Variants in ZNF638 observed in about 807,000 individuals in gnomAD.
ZNF638 encodes zinc finger protein 638.
In ZNF638, 46 loss-of-function variants were observed where a neutral mutation model predicts 195.6. The observed-to-expected ratio is 0.24, with a 90% CI of 0.19 to 0.30. The LOEUF (loss-of-function observed/expected upper bound fraction) is 0.30, where lower values mean the gene tolerates loss of function less well. Ranked by LOEUF, ZNF638 falls within the 10% of genes least tolerant of loss-of-function variation. The probability of loss-of-function intolerance (pLI) is 1.00; values close to 1 mark genes in which losing one functional copy is unlikely to be tolerated. For missense variants in ZNF638, 2,440 were observed against 2,325.3 expected, an observed-to-expected ratio of 1.05 and a Z score of -1.01; for synonymous variants, 845 against 772.0, an observed-to-expected ratio of 1.09 and a Z score of -1.57.
chr2:71,331,901 A>T, intron 1 of ZNF638, 26 bp downstream of exon 1: 1 of 986,114 alleles, frequency 1.0e-6, no homozygotes, highest in South Asian at 4.7e-5. Flanking sequence ...TGTGGGGAGT[A>T]GGGGGTTGGA....
intron 16 of ZNF638, 120 bp from the exon 17 acceptor site, chr2:71,403,750 A>G (rs1436377752): frequency 2.7e-5 from 17 of 629,210 alleles, no homozygotes; most frequent in Non-Finnish European, 4.0e-5. Flanking sequence ...TATCTTTAAA[A>G]TATTTACTAA....
chr2:71,365,865 G>A (rs552702081), intron 6 of ZNF638, among the ~76,000 whole-genome samples, 159 bp downstream of exon 6: 6 of 152,240 alleles, frequency 3.9e-5, no homozygotes, highest in Admixed American at 2.0e-4. Flanking sequence ...CACCACAGGC[G>A]TGTGCCACCA....
chr2:71,408,094 A>C (rs761886949), intron 19 of ZNF638, 28 bp from the exon 20 acceptor site: 3 of 1,597,462 alleles, frequency 1.9e-6, no homozygotes, highest in East Asian at 4.5e-5. Flanking sequence ...TTAAAGAACT[A>C]TTCATAACTT....
At chr2:71,377,584 ATTAG>A (rs989478824) in intron 8 of ZNF638, among the ~76,000 whole-genome samples, 23 of 152,216 alleles carry the variant, frequency 1.5e-4, no homozygotes, top group East Asian at 3.8e-4. Flanking sequence ...ACTATTTCTT[ATTAG>A]TTAAGCATCT....
At chr2:71,406,420 G>A (rs1035825625) in intron 19 of ZNF638, among the ~76,000 whole-genome samples, 158 bp downstream of exon 19, 1 of 152,058 alleles carries the variant, frequency 6.6e-6, no homozygotes, top group African/African-American at 2.4e-5. Context: ...TTTGGACTGG[G>A]CCGAGAAAGA....
At chr2:71,347,322 GT>G (rs1441875438) in intron 1 of ZNF638, among the ~76,000 whole-genome samples, 1 of 152,182 alleles carries the variant, frequency 6.6e-6, no homozygotes, top group Admixed American at 6.5e-5. Flanking sequence ...GAGTTGTGTG[GT>G]GAAAATGTCC....
At position 71,366,215 on chromosome 2, in the gene ZNF638, C is replaced by T. The variant is rs368742423; in HGVS notation, c.1995+509C>T. ...AAATATAAAAATGAGCTGGGGGTAG[C>T]GGCGGGTGCCAGTAGTCCCAGCTAC... is the stretch of plus-strand genomic sequence containing the variant. On this transcript the variant is annotated intron_variant, in intron 6 of 27. Transcript: ENST00000264447. Among the ~76,000 whole-genome samples, 15 of 151,910 alleles carry T rather than the reference C, an allele frequency of 9.9e-5. No homozygotes were observed. In the South Asian group the frequency reaches 3.1e-3, roughly 32 times the overall value.
intron 11 of ZNF638, among the ~76,000 whole-genome samples, chr2:71,396,970 C>A (rs773245285): frequency 6.6e-6 from 1 of 152,018 alleles, no homozygotes; most frequent in African/African-American, 2.4e-5. Flanking sequence ...AACAAATAAT[C>A]TTTCATATAA....
intron 7 of ZNF638, 115 bp downstream of exon 7, chr2:71,368,643 G>A (rs2079249656): frequency 8.8e-7 from 1 of 1,136,858 alleles, no homozygotes; most frequent in Admixed American, 2.5e-5. Flanking sequence ...TTCTTTGAGA[G>A]TTATATAAAT....
At chr2:71,340,019 T>C (rs761279450) in intron 1 of ZNF638, among the ~76,000 whole-genome samples, 1 of 152,214 alleles carries the variant, frequency 6.6e-6, no homozygotes, top group Non-Finnish European at 1.5e-5. Flanking sequence ...TTCCTGAAAT[T>C]GGTAACAATA....
intron 2 of ZNF638, among the ~76,000 whole-genome samples, chr2:71,352,072 C>T (rs552171546): frequency 6.6e-6 from 1 of 152,258 alleles, no homozygotes; most frequent in Admixed American, 6.5e-5. Flanking sequence ...AATGGAATGT[C>T]AGTTACTAAA....
chr2:71,429,949 T>G (rs1419200326), intron 25 of ZNF638, among the ~76,000 whole-genome samples: 1 of 152,180 alleles, frequency 6.6e-6, no homozygotes, highest in African/African-American at 2.4e-5. Flanking sequence ...GTTCAGTAAT[T>G]AGGTTCTCGC....
In ZNF638 at chr2:71,344,352, T is replaced by A. The variant is rs1015175791; in HGVS notation, c.-202-4401T>A. 3.3e-5 allele frequency among the ~76,000 whole-genome samples: 5 copies of A among 152,192 alleles called. No homozygotes were observed. The East Asian group carries it at 9.6e-4, about 29-fold the overall frequency. On this transcript the variant is annotated intron_variant, in intron 1 of 27. Coordinates refer to ENST00000264447, the MANE Select transcript of ZNF638 (RefSeq NM_014497.5). ...GATGTACTATAGTTTATTTGACCAGTTTCCAGTCTCTCTGCAAGCTTTTAT... is the reference window on the plus strand; with the variant it reads ...GATGTACTATAGTTTATTTGACCAGATTCCAGTCTCTCTGCAAGCTTTTAT...
chr2:71,375,620 AAATACATAATTT>A (rs1251669071), intron 8 of ZNF638: 1 of 152,234 alleles, frequency 6.6e-6, no homozygotes, highest in African/African-American at 2.4e-5. Flanking sequence ...AACAAGGATT[AAATACATAATTT>A]AAGAACTTAA....
intron 3 of ZNF638, among the ~76,000 whole-genome samples, chr2:71,357,656 G>C (rs1200144552): frequency 6.6e-6 from 1 of 152,130 alleles, no homozygotes; most frequent in Non-Finnish European, 1.5e-5. Flanking sequence ...AAAGCCTTTA[G>C]TGTAGGTAAG....
chr2:71,424,799 A>AC, intron 23 of ZNF638, 84 bp downstream of exon 23: 3 of 1,124,860 alleles, frequency 2.7e-6, no homozygotes, highest in Non-Finnish European at 3.9e-6. Flanking sequence ...GCCTGCCTTA[A>AC]CAATGTTAGT....
At chr2:71,335,632 C>T (rs912136668) in intron 1 of ZNF638, among the ~76,000 whole-genome samples, 1 of 152,154 alleles carries the variant, frequency 6.6e-6, no homozygotes, top group African/African-American at 2.4e-5. Flanking sequence ...TGTGCCTGTC[C>T]AGTTTCAATT....
At position 71,420,144 on chromosome 2, in the gene ZNF638, C is replaced by T. The variant is rs200636334; in HGVS notation, c.3299+1505C>T. Among the ~76,000 whole-genome samples the T allele has an allele frequency of 4.0e-5, 6 of 151,460 alleles. No individual in the cohort carries two copies. The East Asian group carries it at 1.2e-3, about 30-fold the overall frequency. Reference sequence around the variant, plus strand: ...GGTCTTGCTATGTTGCTCAGGCTGGCCTTGAACTCCTGGGCACAAGCTGTT... The same window carrying T: ...GGTCTTGCTATGTTGCTCAGGCTGGTCTTGAACTCCTGGGCACAAGCTGTT... On this transcript the variant is annotated intron_variant, in intron 21 of 27. Transcript: ENST00000264447.
intron 22 of ZNF638, 33 bp from the exon 23 acceptor site, chr2:71,424,617 C>A (rs745488760): frequency 1.5e-5 from 23 of 1,518,782 alleles, no homozygotes; most frequent in Middle Eastern, 1.8e-4. Flanking sequence ...GTTGTAAATT[C>A]CGTTTTTCTG....
Sources: gnomAD v4.1 joint callset for allele counts (sites outside exome capture counted in the v4.1 genomes callset) on GRCh38, gnomAD v4.1.1 for gene constraint, MANE v1.5 for transcripts, NCBI Gene and HGNC (gene_info 2026-07-23, HGNC 2026-07-21) for gene names.